Variants in THSD7A observed in about 807,000 individuals in gnomAD.
THSD7A encodes the protein thrombospondin type 1 domain containing 7A.
In THSD7A, 96 loss-of-function variants were observed where a neutral mutation model predicts 231.3. The observed-to-expected ratio is 0.41, with a 90% CI of 0.35 to 0.49. The LOEUF is 0.49. Ranked by LOEUF, THSD7A falls within the 20% of genes least tolerant of loss-of-function variation. THSD7A has a pLI of 0.05. For missense variants in THSD7A, 2,290 were observed against 2,070.2 expected (o/e 1.11, Z -2.06); for synonymous variants, 940 against 743.3 (o/e 1.26, Z -4.30).
At chr7:11,813,765 G>A (rs1784601007) in intron 1 of THSD7A, among the ~76,000 whole-genome samples, 1 of 150,664 alleles carries the variant, frequency 6.6e-6, no homozygotes, top group Non-Finnish European at 1.5e-5. Context: ...ATAAGGCTCA[G>A]TTTGGCAGTT....
intron 9 of THSD7A, among the ~76,000 whole-genome samples, chr7:11,463,604 T>C (rs1029521244): frequency 2.0e-5 from 3 of 152,168 alleles, no homozygotes; most frequent in African/African-American, 7.2e-5. Flanking sequence ...TCGTCTGTAC[T>C]ATTAATGATG....
chr7:11,707,616 T>C (rs1780812537), intron 1 of THSD7A, among the ~76,000 whole-genome samples: 1 of 150,862 alleles, frequency 6.6e-6, no homozygotes, highest in African/African-American at 2.4e-5. Context: ...TCTAAGATCC[T>C]CCCCAGACAG....
intron 17 of THSD7A, 105 bp from the exon 18 acceptor site, chr7:11,412,905 C>T: frequency 7.6e-7 from 1 of 1,317,990 alleles, no homozygotes; most frequent in East Asian, 2.5e-5. Context: ...GGGCCACTGG[C>T]TAACTCAGAA....
intron 1 of THSD7A, among the ~76,000 whole-genome samples, chr7:11,801,226 AAG>A (rs1784266448): frequency 6.6e-6 from 1 of 152,028 alleles, no homozygotes; most frequent in Non-Finnish European, 1.5e-5. Context: ...AAAAAATAAA[AAG>A]AAGTTATGTT....
intron 6 of THSD7A, among the ~76,000 whole-genome samples, chr7:11,513,013 C>T (rs1287818135): frequency 7.0e-6 from 1 of 142,196 alleles, no homozygotes; most frequent in Admixed American, 7.0e-5. Context: ...TTGCCATGAC[C>T]TGGATGAGAT....
intron 2 of THSD7A, among the ~76,000 whole-genome samples, chr7:11,621,446 A>G (rs1180088694): frequency 2.0e-5 from 3 of 152,092 alleles, no homozygotes; most frequent in Admixed American, 6.5e-5. Flanking sequence ...TTTAATAACT[A>G]TTTCTCCAGA....
At chr7:11,764,201 G>C (rs1171065049) in intron 1 of THSD7A, among the ~76,000 whole-genome samples, 1 of 152,186 alleles carries the variant, frequency 6.6e-6, no homozygotes, top group African/African-American at 2.4e-5. Flanking sequence ...GACAGGGTCA[G>C]TGCTTGACAA....
intron 23 of THSD7A, among the ~76,000 whole-genome samples, chr7:11,386,231 C>G (rs969891046): frequency 1.2e-4 from 19 of 152,154 alleles, no homozygotes; most frequent in Admixed American, 1.2e-3. Flanking sequence ...TGTATATACC[C>G]AGTAATGGGA....
intron 4 of THSD7A, among the ~76,000 whole-genome samples, chr7:11,569,989 T>C (rs904994713): frequency 5.3e-5 from 8 of 152,026 alleles, no homozygotes; most frequent in Non-Finnish European, 8.8e-5. Context: ...CTGGGAAACA[T>C]GGCAAAACCC....
intron 3 of THSD7A, among the ~76,000 whole-genome samples, chr7:11,591,985 A>G (rs59735767): frequency 0.018 from 2,673 of 152,300 alleles, 81 homozygotes; most frequent in African/African-American, 0.061. Flanking sequence ...TCAAGGATAT[A>G]TGTTTATTTT....
chr7:11,604,180 A>T (rs1780659193), intron 2 of THSD7A, among the ~76,000 whole-genome samples: 1 of 152,104 alleles, frequency 6.6e-6, no homozygotes, highest in South Asian at 2.1e-4. Flanking sequence ...ACTTCAGAAC[A>T]ATTTCATGAA....
At chr7:11,433,157 C>T (rs954791631) in intron 13 of THSD7A, among the ~76,000 whole-genome samples, 2 of 152,112 alleles carry the variant, frequency 1.3e-5, no homozygotes, top group South Asian at 4.1e-4. Context: ...GAATATTTCA[C>T]AGTAGTGTTA....
chr7:11,648,637 C>CGAGTGTGTGTGTGT (rs139855855), intron 1 of THSD7A, among the ~76,000 whole-genome samples: 1 of 141,060 alleles, frequency 7.1e-6, no homozygotes, highest in South Asian at 2.3e-4. Context: ...TATTTTGTGG[C>CGAGTGTGTGTGTGT]GTGTGTGTGT....
intron 1 of THSD7A, among the ~76,000 whole-genome samples, chr7:11,701,296 T>G (rs1387944356): frequency 4.0e-5 from 6 of 151,222 alleles, no homozygotes. Flanking sequence ...ATACAATTCA[T>G]TTGAAACAAC....
intron 1 of THSD7A, among the ~76,000 whole-genome samples, chr7:11,688,980 TTC>T (rs1421190252): frequency 1.3e-5 from 2 of 151,886 alleles, no homozygotes; most frequent in Non-Finnish European, 2.9e-5. Context: ...AAAAAAAAGT[TTC>T]TGTTTCTCTT....
chr7:11,585,761 G>C (rs1027621919), intron 4 of THSD7A, among the ~76,000 whole-genome samples: 1 of 151,984 alleles, frequency 6.6e-6, no homozygotes, highest in African/African-American at 2.4e-5. Flanking sequence ...ATCTCAGGGT[G>C]CACTCACACA....
intron 1 of THSD7A, among the ~76,000 whole-genome samples, chr7:11,680,656 A>C (rs1783832589): frequency 1.3e-5 from 2 of 152,316 alleles, no homozygotes; most frequent in South Asian, 4.1e-4. Flanking sequence ...ATGAGATACC[A>C]TCTCACAGCA....
intron 4 of THSD7A, among the ~76,000 whole-genome samples, chr7:11,556,736 A>G (rs1789862171): frequency 6.6e-6 from 1 of 152,044 alleles, no homozygotes; most frequent in East Asian, 1.9e-4. Flanking sequence ...ATTTTCTCTG[A>G]GTATTGAATT....
At chr7:11,797,412 CTTTTTTTTTT>C (rs59662790) in intron 1 of THSD7A, among the ~76,000 whole-genome samples, 20 of 109,014 alleles carry the variant, frequency 1.8e-4, no homozygotes, top group African/African-American at 6.1e-4. Flanking sequence ...CTGCCTCTCT[CTTTTTTTTTT>C]TTTTTTTTTT....
Sources: gnomAD v4.1 joint callset for allele counts (sites outside exome capture counted in the v4.1 genomes callset) on GRCh38, gnomAD v4.1.1 for gene constraint, MANE v1.5 for transcripts, NCBI Gene and HGNC (gene_info 2026-07-23, HGNC 2026-07-21) for gene names.